The following MMP3 variants were observed in gnomAD, a reference collection of about 807,000 sequenced individuals.
MMP3 encodes the protein stromelysin-1.
MMP3 carries 46 observed loss-of-function variants against 47.3 expected under a neutral mutation model. The ratio of observed to expected loss-of-function variants is 0.97; its 90% CI spans 0.77 to 1.24. The LOEUF is 1.24. Among genes scored for constraint, MMP3 ranks in the 50% most tolerant of loss-of-function variants. The probability of loss-of-function intolerance (pLI) is 0.00; values close to 1 mark genes in which losing one functional copy is unlikely to be tolerated. For missense variants in MMP3, 558 were observed against 565.5 expected (o/e 0.99, Z 0.13); for synonymous variants, 216 against 206.5 (o/e 1.05, Z -0.39).
rs1555005944 is a variant in MMP3, at chr11:102,843,476, G to T, written c.71C>A (p.Ala24Glu). The T allele has an allele frequency of 6.2e-7, 1 of 1,613,646 alleles. No individual in the cohort carries two copies. ...GTTCATGCTGGTGTCCTCACCCCTT[G>T]CAGCTCCATCCAATGGATAGGCTGA... is the stretch of plus-strand genomic sequence containing the variant. ...VCSAYPLDGA[A>E]RGEDTSMNLV... is the part of the protein sequence containing the mutation. Residue 24 changes from alanine (A) to glutamate (E), a missense_variant, in exon 1 of 10, where the codon GCA becomes GAA. Ala to Glu is a moderately radical substitution (Grantham distance 107). Transcript: ENST00000299855.
At position 102,837,290 on chromosome 11, in the gene MMP3, C is replaced by T. The variant is rs782157693; in HGVS notation, c.1333+8G>A. On this transcript the variant is annotated splice_region_variant and intron_variant, in intron 9 of 9. Coordinates refer to ENST00000299855, the MANE Select transcript of MMP3 (RefSeq NM_002422.5). This position sits in a 1 kb window ranked among gnomAD's most constrained non-coding sequence, Gnocchi z 4.4. ...GCTCTATGGCCAACACAGTAAGTAT[C>T]CTCTTACCAAATTCTTCAAAAACAG... 11 of 1,600,620 alleles carry T rather than the reference C, an allele frequency of 6.9e-6. No homozygotes were observed. The highest frequency in any genetic ancestry group is 9.4e-6 in the Non-Finnish European group (11 of 1,167,890).
chr11:102,838,470 T>A, intron 8 of MMP3, 81 bp downstream of exon 8: 1 of 1,432,114 alleles, frequency 7.0e-7, no homozygotes, highest in Admixed American at 2.1e-5. Context: ...AGGCCTAAGG[T>A]TGGGGTGGGG....
chr11:102,840,114 T>C lies in MMP3; in HGVS notation c.929A>G (p.Lys310Arg). 1 of 1,611,998 alleles carries C rather than the reference T, an allele frequency of 6.2e-7. No individual in the cohort carries two copies. The highest frequency in any genetic ancestry group is 1.7e-4 in the Middle Eastern group (1 of 6,050). ...STLRGEILIF[K>R]DRHFWRKSLR... ...TATAATTTTTCAGCCTGACCTGTCT[T>C]TAAAGATCAGGATTTCTCCCCTCAG... The change falls in exon 6 of 10, where the codon AAA (lysine) becomes AGA (arginine). Residue 310 changes from lysine (K) to arginine (R), a missense_variant. Coordinates refer to ENST00000299855, the MANE Select transcript of MMP3 (RefSeq NM_002422.5).
intron 7 of MMP3, among the ~76,000 whole-genome samples, 162 bp from the exon 8 acceptor site, chr11:102,838,872 C>A (rs1175686378): frequency 1.3e-5 from 2 of 152,170 alleles, no homozygotes; most frequent in Non-Finnish European, 2.9e-5. Context: ...AATTTGCAGA[C>A]TGAATGAATG....
In MMP3 at chr11:102,836,203, A is replaced by G. The variant is rs1591101275; in HGVS notation, c.1357T>C (p.Ser453Pro). 6.2e-7 allele frequency: 1 copy of G among 1,613,814 alleles called. No homozygotes were observed. The highest frequency in any genetic ancestry group is 8.5e-7 in the Non-Finnish European group (1 of 1,179,734). Residue 453 changes from serine (S) to proline (P), a missense_variant, in exon 10 of 10, where the codon TCT becomes CCT. Coordinates refer to ENST00000299855, the MANE Select transcript of MMP3 (RefSeq NM_002422.5). This position sits in a 1 kb window ranked among gnomAD's most constrained non-coding sequence, Gnocchi z 4.6. ...TTTGGGTCAAACTCCAACTGTGAAG[A>G]TCCAGTAAAGAAATAAAAGAACCCT... Reference protein sequence around the residue: ...EFGFFYFFTGSSQLEFDPNAK... With the variant: ...EFGFFYFFTGPSQLEFDPNAK...
Position 102,838,537 on chromosome 11 carries a change from C to T in MMP3, c.1229+14G>A. The T allele has an allele frequency of 6.2e-7, 1 of 1,607,236 alleles. No individual in the cohort carries two copies. The highest frequency in any genetic ancestry group is 8.5e-7 in the Non-Finnish European group (1 of 1,177,394). ...AATTAGGCTCCATACAAAGTCATTT[C>T]TCTTGCATCTCACCTCCAGTATTTG... On this transcript the variant is annotated intron_variant, in intron 8 of 9. Coordinates refer to ENST00000299855, the MANE Select transcript of MMP3 (RefSeq NM_002422.5).
chr11:102,842,352 C>G, intron 3 of MMP3, 73 bp from the exon 4 acceptor site: 1 of 1,562,616 alleles, frequency 6.4e-7, no homozygotes, highest in Non-Finnish European at 8.6e-7. Context: ...TACAACAACA[C>G]CAGATAGATG....
chr11:102,840,185 C>G lies in MMP3; in HGVS notation c.858G>C (p.Thr286=), dbSNP rs145663265. Residue 286 remains threonine, a synonymous_variant, in exon 6 of 10, where the codon ACG becomes ACC. Coordinates refer to ENST00000299855, the MANE Select transcript of MMP3 (RefSeq NM_002422.5). The part of the protein sequence containing the change: ...PTEPVPPEPG[T]PANCDPALSF... ...ACAAAGCAGGATCACAGTTGGCTGG[C>G]GTCCCAGGTTCTGGAGGGACAGGTT... is the stretch of plus-strand genomic sequence containing the variant. 6.2e-7 allele frequency: 1 copy of G among 1,613,912 alleles called. No individual in the cohort carries two copies. The highest frequency in any genetic ancestry group is 8.5e-7 in the Non-Finnish European group (1 of 1,179,982).
Position 102,838,672 on chromosome 11 carries a change from C to G in MMP3, c.1108G>C (p.Ala370Pro). 1 of 1,613,784 alleles carries G rather than the reference C, an allele frequency of 6.2e-7. No homozygotes were observed. Among genetic ancestry groups the G allele is most frequent in the Non-Finnish European group, 8.5e-7 (1 of 1,179,860 alleles). ...GTGTGGATGCCTCTTGGGTATCCAG[C>G]TCGTACCTCATTTCCTCTGATAGCC... ...FWAIRGNEVRAGYPRGIHTLG... is the reference protein window; with the variant it reads ...FWAIRGNEVRPGYPRGIHTLG... The change falls in exon 8 of 10, where the codon GCT becomes CCT. Residue 370 changes from alanine (A) to proline (P), a missense_variant. Ala to Pro is a conservative substitution (Grantham distance 27). Coordinates refer to ENST00000299855, the MANE Select transcript of MMP3 (RefSeq NM_002422.5).
chr11:102,841,506 C>T (rs1555005404), intron 4 of MMP3, among the ~76,000 whole-genome samples: 2 of 152,042 alleles, frequency 1.3e-5, no homozygotes, highest in Non-Finnish European at 2.9e-5. Flanking sequence ...TAATTGTTTT[C>T]CTATTTTTTT....
rs113916251 is a variant in MMP3, at chr11:102,838,616, G to A, written c.1164C>T (p.Ile388=). The A allele has an allele frequency of 9.9e-5, 159 of 1,613,532 alleles. No individual in the cohort carries two copies. The highest frequency in any genetic ancestry group is 7.8e-4 in the East Asian group (35 of 44,882). The change falls in exon 8 of 10, where the codon ATC becomes ATT. Residue 388 remains isoleucine (I), a synonymous_variant. Transcript: ENST00000299855. Reference sequence around the variant, plus strand: ...TTTCCTTATCAGAAATGGCTGCATCGATTTTCCTCACGGTTGGAGGGAAAC... The same window carrying A: ...TTTCCTTATCAGAAATGGCTGCATCAATTTTCCTCACGGTTGGAGGGAAAC... ...TLGFPPTVRK[I]DAAISDKEKN... is the part of the protein sequence containing the mutation.
intron 3 of MMP3, 52 bp from the exon 4 acceptor site, chr11:102,842,331 G>A: frequency 1.9e-6 from 3 of 1,569,890 alleles, no homozygotes; most frequent in African/African-American, 1.4e-5. Flanking sequence ...TCCCTTTTGA[G>A]CCTTTTCCAG....
At chr11:102,842,372 A>C in intron 3 of MMP3, 59 bp downstream of exon 3, 1 of 1,535,508 alleles carries the variant, frequency 6.5e-7, no homozygotes, top group Non-Finnish European at 8.7e-7. Context: ...GAATGGATAC[A>C]TTTCATGTGT....
chr11:102,840,696 AG>A, intron 4 of MMP3, 103 bp from the exon 5 acceptor site: 3 of 1,181,838 alleles, frequency 2.5e-6, no homozygotes, highest in Non-Finnish European at 3.5e-6. Flanking sequence ...GGAACCACAC[AG>A]GGCTTTTTAC....
chr11:102,841,084 C>G (rs544098787), intron 4 of MMP3, among the ~76,000 whole-genome samples: 126 of 152,230 alleles, frequency 8.3e-4, no homozygotes, highest in Non-Finnish European at 1.6e-3. Flanking sequence ...CATATTGAGA[C>G]TAAAAACATG....
intron 8 of MMP3, among the ~76,000 whole-genome samples, chr11:102,838,082 T>C (rs797044240): frequency 3.5e-4 from 54 of 152,166 alleles, no homozygotes; most frequent in African/African-American, 1.2e-3. Flanking sequence ...CATATAGTAG[T>C]GTTAGGAAGA....
chr11:102,842,872 C>T lies in MMP3; in HGVS notation c.150G>A (p.Gln50=). 1 of 1,612,932 alleles carries T rather than the reference C, an allele frequency of 6.2e-7. No homozygotes were observed. The part of the protein sequence containing the change: ...NYYDLKKDVK[Q]FVRRKDSGPV... ...GACCACTGTCCTTTCTCCTAACAAA[C>T]TGTTTCACATCTTTTTTGAGGTCGT... The change falls in exon 2 of 10, where the codon CAG becomes CAA. Residue 50 remains glutamine (Q), a synonymous_variant. Transcript: ENST00000299855.
chr11:102,842,800 C>G lies in MMP3; in HGVS notation c.222G>C (p.Glu74Asp), dbSNP rs1555005800. 6.2e-7 allele frequency: 1 copy of G among 1,613,978 alleles called. No individual in the cohort carries two copies. Among genetic ancestry groups the G allele is most frequent in the Non-Finnish European group, 8.5e-7 (1 of 1,179,972 alleles). ...TGTCGGAGTCCAGCTTCCCCGTCAC[C>G]TCCAATCCAAGGAACTTCTGCATTT... ...IREMQKFLGLEVTGKLDSDTL... is the reference protein window; with the variant it reads ...IREMQKFLGLDVTGKLDSDTL... The change falls in exon 2 of 10, where the codon GAG becomes GAC. Residue 74 changes from glutamate (E) to aspartate (D), a missense_variant. By Grantham distance (45) the Glu-to-Asp change is conservative. Transcript: ENST00000299855.
At position 102,842,930 on chromosome 11, in the gene MMP3, T is replaced by G; in HGVS notation, c.106-14A>C. ...TTCTAGATATTTCTAACAGAATAAG[T>G]ATAGTTTTTAGGTCACTCTTACAAT... is the stretch of plus-strand genomic sequence containing the variant. On this transcript the variant is annotated splice_polypyrimidine_tract_variant and intron_variant, in intron 1 of 9. Transcript: ENST00000299855. 2 of 1,576,164 alleles carry G rather than the reference T, an allele frequency of 1.3e-6. No homozygotes were observed. The highest frequency in any genetic ancestry group is 2.3e-5 in the South Asian group (2 of 85,808).
Sources: gnomAD v4.1 joint callset for allele counts (sites outside exome capture counted in the v4.1 genomes callset) on GRCh38, gnomAD v4.1.1 for gene constraint, Gnocchi (gnomAD v3.1) non-coding constraint, MANE v1.5 for transcripts, NCBI Gene and HGNC (gene_info 2026-07-23, HGNC 2026-07-21) for gene names.